Variants in MSRA observed in about 807,000 individuals in gnomAD.
MSRA encodes methionine sulfoxide reductase A.
A neutral mutation model predicts 31.3 loss-of-function variants in MSRA; 54 were observed. That is an observed-to-expected ratio of 1.73 (90% CI 1.39 to 2.17). MSRA has a LOEUF of 2.17. Among genes scored for constraint, MSRA ranks in the 30% most tolerant of loss-of-function variants. MSRA has a pLI of 0.00. For missense variants in MSRA, 507 were observed against 300.9 expected (o/e 1.69, Z -5.07); for synonymous variants, 169 against 116.5 (o/e 1.45, Z -2.90).
At position 10,222,206 on chromosome 8, in the gene MSRA, C is replaced by G. The variant is rs190036023; in HGVS notation, c.211+14305C>G. Among the ~76,000 whole-genome samples the G allele has an allele frequency of 2.1e-3, 323 of 151,972 alleles. 2 individuals carry two copies. The highest frequency in any genetic ancestry group is 7.5e-3 in the African/African-American group (310 of 41,432). On this transcript the variant is annotated intron_variant, in intron 2 of 5. Coordinates refer to ENST00000317173, the MANE Select transcript of MSRA (RefSeq NM_012331.5). ...TAGTTCAATACTTTTGGCTTTTGAA[C>G]GTAACTACTTTTAATAATAATACAA...
At chr8:10,269,705 C>T (rs1381568365) in intron 3 of MSRA, among the ~76,000 whole-genome samples, 3 of 152,118 alleles carry the variant, frequency 2.0e-5, no homozygotes, top group Non-Finnish European at 2.9e-5. Flanking sequence ...GCCTGGAGTG[C>T]AGTGACTTGA....
At chr8:10,248,915 C>T (rs922536291) in intron 3 of MSRA, among the ~76,000 whole-genome samples, 1 of 152,164 alleles carries the variant, frequency 6.6e-6, no homozygotes, top group Non-Finnish European at 1.5e-5. Flanking sequence ...CTCTGAATCA[C>T]AGTGGAGATG....
chr8:10,414,027 T>C (rs1808313660), intron 5 of MSRA, among the ~76,000 whole-genome samples: 1 of 151,886 alleles, frequency 6.6e-6, no homozygotes, highest in African/African-American at 2.4e-5. Flanking sequence ...ACTAGCCAGG[T>C]GTGGTGGTGT....
intron 1 of MSRA, among the ~76,000 whole-genome samples, chr8:10,141,139 A>G (rs138354873): frequency 6.6e-6 from 1 of 152,312 alleles, no homozygotes; most frequent in East Asian, 1.9e-4. Flanking sequence ...TCTGTCATCC[A>G]CTGGCCACCA....
At chr8:10,229,935 G>T (rs779839833) in intron 2 of MSRA, among the ~76,000 whole-genome samples, 1 of 152,192 alleles carries the variant, frequency 6.6e-6, no homozygotes, top group Non-Finnish European at 1.5e-5. Flanking sequence ...CACTTTCGAA[G>T]CCTCAATGGA....
At chr8:10,134,603 G>A (rs959053415) in intron 1 of MSRA, among the ~76,000 whole-genome samples, 3 of 152,172 alleles carry the variant, frequency 2.0e-5, no homozygotes, top group Non-Finnish European at 2.9e-5. Context: ...AAGTTTACCC[G>A]TGACCTGTGG....
chr8:10,060,638 G>A (rs569706540), intron 1 of MSRA, among the ~76,000 whole-genome samples: 2 of 143,136 alleles, frequency 1.4e-5, no homozygotes, highest in Non-Finnish European at 3.1e-5. Context: ...CTTACTTGAA[G>A]TTTTTTTTTT....
chr8:10,417,306 C>G (rs554413163), intron 5 of MSRA, among the ~76,000 whole-genome samples: 2 of 152,062 alleles, frequency 1.3e-5, no homozygotes, highest in East Asian at 1.9e-4. Context: ...CTTGCATGTG[C>G]CAGCAGTGAT....
At chr8:10,136,401 G>T (rs558441901) in intron 1 of MSRA, among the ~76,000 whole-genome samples, 6 of 152,314 alleles carry the variant, frequency 3.9e-5, no homozygotes, top group African/African-American at 1.4e-4. Flanking sequence ...CCTGAGCCTA[G>T]CAAGCTCTGA....
intron 3 of MSRA, among the ~76,000 whole-genome samples, chr8:10,296,348 A>G (rs1041250369): frequency 6.6e-6 from 1 of 152,240 alleles, no homozygotes; most frequent in Non-Finnish European, 1.5e-5. Flanking sequence ...CGAAAGGTTA[A>G]TAGCAATAAC....
At chr8:10,099,328 C>T (rs945765216) in intron 1 of MSRA, among the ~76,000 whole-genome samples, 1 of 152,208 alleles carries the variant, frequency 6.6e-6, no homozygotes, top group African/African-American at 2.4e-5. Flanking sequence ...TGGGTATACA[C>T]TGCTGAGGTC....
chr8:10,205,420 G>A lies in MSRA; in HGVS notation c.143-2413G>A, dbSNP rs912838184. 3.0e-4 allele frequency among the ~76,000 whole-genome samples: 46 copies of A among 152,102 alleles called. 1 individual carries two copies. The highest frequency in any genetic ancestry group is 1.0e-3 in the African/African-American group (42 of 41,422). ...AAGGACAGTTAGAAAGCAGGAGCAT[G>A]GCAGGCCCATTCCCAAAGGTGGGGG... On this transcript the variant is annotated intron_variant, in intron 1 of 5. Coordinates refer to ENST00000317173, the MANE Select transcript of MSRA (RefSeq NM_012331.5).
chr8:10,226,099 C>T (rs1419870375), intron 2 of MSRA, among the ~76,000 whole-genome samples: 1 of 152,156 alleles, frequency 6.6e-6, no homozygotes, highest in Admixed American at 6.5e-5. Flanking sequence ...AAGCTAGTGG[C>T]AGGGAACCAC....
chr8:10,137,502 G>C (rs1271190302), intron 1 of MSRA, among the ~76,000 whole-genome samples: 3 of 152,106 alleles, frequency 2.0e-5, no homozygotes, highest in African/African-American at 7.2e-5. Context: ...TGGTATACTG[G>C]GAAATAAGAG....
intron 5 of MSRA, among the ~76,000 whole-genome samples, chr8:10,412,184 C>T (rs773096316): frequency 1.8e-4 from 27 of 152,168 alleles, no homozygotes; most frequent in Non-Finnish European, 3.4e-4. Flanking sequence ...AAAATGTTTC[C>T]GTTTTTAGTC....
chr8:10,096,013 A>C, intron 1 of MSRA: 7 of 1,450,010 alleles, frequency 4.8e-6, no homozygotes, highest in Non-Finnish European at 6.4e-6. Flanking sequence ...AAATCAAATC[A>C]GAAAGACATC....
chr8:10,389,183 C>T (rs1238968193), intron 5 of MSRA, among the ~76,000 whole-genome samples: 1 of 152,164 alleles, frequency 6.6e-6, no homozygotes, highest in Non-Finnish European at 1.5e-5. Context: ...CAGTGTTTCT[C>T]TGTGGAAAAG....
At chr8:10,139,717 A>G (rs934050236) in intron 1 of MSRA, among the ~76,000 whole-genome samples, 1 of 152,202 alleles carries the variant, frequency 6.6e-6, no homozygotes, top group Non-Finnish European at 1.5e-5. Context: ...GTAGTAGTCC[A>G]CTGTATGTAT....
At chr8:10,143,347 C>T (rs1452557188) in intron 1 of MSRA, among the ~76,000 whole-genome samples, 2 of 152,082 alleles carry the variant, frequency 1.3e-5, no homozygotes, top group African/African-American at 4.8e-5. Context: ...CACAGAAAGC[C>T]AAATGCTTTC....
Sources: allele counts gnomAD v4.1 joint callset (sites outside exome capture counted in the v4.1 genomes callset), GRCh38; gene constraint gnomAD v4.1.1; transcripts MANE v1.5; gene names NCBI Gene and HGNC (gene_info 2026-07-23, HGNC 2026-07-21).